Variants in CLPTM1 observed in about 807,000 individuals in gnomAD.
The protein encoded by CLPTM1 is putative lipid scramblase CLPTM1.
CLPTM1 carries 21 observed loss-of-function variants against 77.3 expected under a neutral mutation model. That is an observed-to-expected ratio of 0.27 (90% CI 0.19 to 0.39). CLPTM1 has a LOEUF of 0.39. Among genes scored for constraint, CLPTM1 ranks in the 10% least tolerant of loss-of-function variants. CLPTM1 has a pLI of 1.00. For synonymous variants in CLPTM1, 373 were observed against 381.0 expected (o/e 0.98, Z 0.24); for missense variants, 642 against 921.2 (o/e 0.70, Z 3.92).
At position 44,973,124 on chromosome 19, in the gene CLPTM1, C is replaced by T. The variant is rs772409757; in HGVS notation, c.223C>T (p.Arg75Ter). The change falls in exon 3 of 14, where the codon CGA (arginine) becomes TGA (stop). Residue 75 changes from arginine to a stop codon, truncating the protein, a stop_gained. Transcript: ENST00000337392. LOFTEE classifies it high-confidence loss of function. Reference sequence around the variant, plus strand: ...CTGGGCCATCAGCAGTTGGTTCCGCCGAGGGCCGGCCCCTCAGGACCAGGC... The same window carrying T: ...CTGGGCCATCAGCAGTTGGTTCCGCTGAGGGCCGGCCCCTCAGGACCAGGC... Reference protein sequence around the residue: ...IIWAISSWFRRGPAPQDQAGP... With the variant: ...IIWAISSWFR The T allele has an allele frequency of 6.2e-7, 1 of 1,613,990 alleles. No homozygotes were observed. Among genetic ancestry groups the T allele is most frequent in the Non-Finnish European group, 8.5e-7 (1 of 1,179,902 alleles).
At position 44,986,531 on chromosome 19, in the gene CLPTM1, A is replaced by C; in HGVS notation, c.749A>C (p.His250Pro). ...PNITINIVDD[H>P]TPWVKGSVPP... ...ATCACCATCAACATCGTGGACGACCACACGCCGTGGGTGAAGGGCAGTGTG... is the reference window on the plus strand; with the variant it reads ...ATCACCATCAACATCGTGGACGACCCCACGCCGTGGGTGAAGGGCAGTGTG... The change falls in exon 7 of 14, where the codon CAC becomes CCC. Residue 250 changes from histidine to proline, a missense_variant. This residue lies in a region of CLPTM1 where 521 missense variants were observed against 800.4 expected (regional missense o/e 0.65). Coordinates refer to ENST00000337392, the MANE Select transcript of CLPTM1 (RefSeq NM_001294.4). 6.2e-7 allele frequency: 1 copy of C among 1,614,062 alleles called. No homozygotes were observed. Among genetic ancestry groups the C allele is most frequent in the Non-Finnish European group, 8.5e-7 (1 of 1,179,994 alleles).
At chr19:44,983,241 C>A (rs1970925528) in intron 5 of CLPTM1, among the ~76,000 whole-genome samples, 1 of 152,076 alleles carries the variant, frequency 6.6e-6, no homozygotes, top group Non-Finnish European at 1.5e-5. Context: ...GGTCTCTTTC[C>A]CCTTTCCCTG....
At chr19:44,956,059 C>A (rs562896945) in intron 1 of CLPTM1, among the ~76,000 whole-genome samples, 4 of 152,140 alleles carry the variant, frequency 2.6e-5, no homozygotes, top group African/African-American at 7.2e-5. Flanking sequence ...TAAAATAGTT[C>A]TATGGGTTAA....
chr19:44,973,305 C>T, intron 3 of CLPTM1, 95 bp downstream of exon 3: 3 of 1,543,942 alleles, frequency 1.9e-6, no homozygotes, highest in Non-Finnish European at 2.6e-6. Flanking sequence ...CAGACCAGGT[C>T]CTTGCTCACT....
intron 5 of CLPTM1, chr19:44,984,742 A>G (rs531544791): frequency 1.3e-5 from 2 of 154,312 alleles, no homozygotes; most frequent in South Asian, 3.9e-4. Context: ...GCTGGAGTGC[A>G]ACAGTGCGAT....
chr19:44,961,752 C>T (rs930948871), intron 1 of CLPTM1, among the ~76,000 whole-genome samples: 1 of 152,198 alleles, frequency 6.6e-6, no homozygotes, highest in Non-Finnish European at 1.5e-5. Flanking sequence ...TCTAGGTCAC[C>T]ACTGTCCCTA....
chr19:44,957,802 C>A (rs953513917), intron 1 of CLPTM1, among the ~76,000 whole-genome samples: 1 of 152,224 alleles, frequency 6.6e-6, no homozygotes, highest in Admixed American at 6.5e-5. Flanking sequence ...GGACACAGAA[C>A]CCACAGCTTT....
intron 1 of CLPTM1, among the ~76,000 whole-genome samples, chr19:44,961,100 G>A (rs946020952): frequency 6.6e-6 from 1 of 152,104 alleles, no homozygotes; most frequent in Non-Finnish European, 1.5e-5. Flanking sequence ...CTGCTTCTGC[G>A]GTCCTTCCTG....
chr19:44,972,681 T>C (rs16979588), intron 2 of CLPTM1, among the ~76,000 whole-genome samples: 15,222 of 152,072 alleles, frequency 0.1, 1,322 homozygotes, highest in African/African-American at 0.24. Flanking sequence ...TTTTAATTCA[T>C]CCATCTGCAC....
At chr19:44,961,131 C>T (rs1970536967) in intron 1 of CLPTM1, among the ~76,000 whole-genome samples, 1 of 152,218 alleles carries the variant, frequency 6.6e-6, no homozygotes, top group Non-Finnish European at 1.5e-5. Flanking sequence ...CAAGTGGCTT[C>T]ACCTCTCTGA....
At chr19:44,954,968 C>A, upstream of CLPTM1, 1 of 1,533,550 alleles carries the variant, frequency 6.5e-7, no homozygotes, top group Non-Finnish European at 8.7e-7. Flanking sequence ...GAAAGAGGGG[C>A]GTGGTTCGAA....
chr19:44,955,785 G>A (rs1230256192), intron 1 of CLPTM1: 2 of 299,510 alleles, frequency 6.7e-6, no homozygotes, highest in African/African-American at 2.2e-5. Flanking sequence ...GCGATTCCAT[G>A]CTCTGAGGCC....
intron 5 of CLPTM1, 137 bp from the exon 6 acceptor site, chr19:44,985,081 A>G: frequency 3.3e-6 from 2 of 607,810 alleles, no homozygotes; most frequent in Non-Finnish European, 6.0e-6. Context: ...ATTCCAGGTC[A>G]CATTGATCTC....
intron 2 of CLPTM1, among the ~76,000 whole-genome samples, chr19:44,972,343 G>A (rs535069691): frequency 2.6e-5 from 4 of 151,808 alleles, no homozygotes; most frequent in African/African-American, 9.7e-5. Flanking sequence ...TGCCTCCTGG[G>A]TTCACACCAT....
intron 1 of CLPTM1, 129 bp downstream of exon 1, chr19:44,955,596 C>G (rs1025161098): frequency 7.9e-6 from 7 of 887,744 alleles, no homozygotes; most frequent in Admixed American, 4.6e-5. Flanking sequence ...CTTGAATACC[C>G]GGCCCAGGCA....
upstream of CLPTM1, chr19:44,955,144 G>A (rs1018374940): frequency 1.6e-5 from 24 of 1,535,610 alleles, no homozygotes; most frequent in Admixed American, 2.0e-5. Context: ...TGCTGGCCGA[G>A]AAAGTCCTGG....
intron 2 of CLPTM1, among the ~76,000 whole-genome samples, chr19:44,972,392 C>T (rs1041539543): frequency 1.3e-5 from 2 of 151,810 alleles, no homozygotes; most frequent in Non-Finnish European, 2.9e-5. Context: ...GGACTACAGG[C>T]GCCCGCCACC....
chr19:44,955,021 A>C, upstream of CLPTM1: 3 of 1,535,714 alleles, frequency 2.0e-6, no homozygotes, highest in Non-Finnish European at 2.6e-6. Context: ...TGGAACGAAA[A>C]GGACGCGAAG....
At chr19:44,983,220 G>T (rs1164595955) in intron 5 of CLPTM1, among the ~76,000 whole-genome samples, 1 of 152,082 alleles carries the variant, frequency 6.6e-6, no homozygotes, top group East Asian at 1.9e-4. Context: ...CAGAGCCCCC[G>T]CTGTTGGCCA....
Sources: gnomAD v4.1 joint callset for allele counts (sites outside exome capture counted in the v4.1 genomes callset) on GRCh38, gnomAD v4.1.1 for gene constraint, gnomAD v4.1.1 regional missense constraint, MANE v1.5 for transcripts, NCBI Gene and HGNC (gene_info 2026-07-23, HGNC 2026-07-21) for gene names.